The following CNTNAP5 variants were observed in gnomAD, a reference collection of about 807,000 sequenced individuals.
The protein encoded by CNTNAP5 is contactin associated protein family member 5.
Under a neutral mutation model 150.2 loss-of-function variants are expected in CNTNAP5, and 72 were observed. The observed-to-expected ratio is 0.48, with a 90% confidence interval of 0.40 to 0.58. CNTNAP5 has a LOEUF of 0.58. CNTNAP5 is among the 20% of genes least tolerant of loss of function. The pLI is 0.00. For synonymous variants in CNTNAP5, 672 were observed against 619.8 expected (o/e 1.08, Z -1.25); for missense variants, 1,636 against 1,626.2 (o/e 1.01, Z -0.10).
chr2:124,648,101 T>A, intron 13 of CNTNAP5, 143 bp downstream of exon 13: 1 of 705,422 alleles, frequency 1.4e-6, no homozygotes, highest in Non-Finnish European at 2.3e-6. Context: ...AAGAGGGGTC[T>A]GGTTATGTAG....
At chr2:124,105,556 G>C (rs937470461) in intron 1 of CNTNAP5, among the ~76,000 whole-genome samples, 4 of 151,808 alleles carry the variant, frequency 2.6e-5, no homozygotes, top group African/African-American at 9.7e-5. Flanking sequence ...ACAATATCTT[G>C]GACTAATTAT....
At chr2:124,512,200 G>A (rs1385658616) in intron 8 of CNTNAP5, among the ~76,000 whole-genome samples, 9 of 151,832 alleles carry the variant, frequency 5.9e-5, no homozygotes, top group Admixed American at 4.6e-4. Context: ...CAGTGAGGCA[G>A]GCAGAGAGCC....
At chr2:124,168,893 G>C (rs1350110951) in intron 1 of CNTNAP5, among the ~76,000 whole-genome samples, 1 of 152,080 alleles carries the variant, frequency 6.6e-6, no homozygotes, top group East Asian at 1.9e-4. Context: ...CTTTGGAGTT[G>C]ATGTAAACTT....
chr2:124,364,507 C>T (rs1021032502), intron 3 of CNTNAP5, among the ~76,000 whole-genome samples: 2 of 152,150 alleles, frequency 1.3e-5, no homozygotes, highest in African/African-American at 4.8e-5. Flanking sequence ...TAAACTTCTG[C>T]TAGTCATATA....
At chr2:124,560,806 T>A (rs76418436) in intron 10 of CNTNAP5, among the ~76,000 whole-genome samples, 2,476 of 152,300 alleles carry the variant, frequency 0.016, 67 homozygotes, top group African/African-American at 0.056. Context: ...TTTTTGCTGC[T>A]TGCTGCATGT....
At chr2:124,702,135 C>T (rs1679534073) in intron 13 of CNTNAP5, among the ~76,000 whole-genome samples, 1 of 151,796 alleles carries the variant, frequency 6.6e-6, no homozygotes, top group African/African-American at 2.4e-5. Flanking sequence ...TTCTCATCAC[C>T]TACCAAGGCT....
chr2:124,652,435 C>T (rs138698086), intron 13 of CNTNAP5, among the ~76,000 whole-genome samples: 72 of 152,244 alleles, frequency 4.7e-4, no homozygotes, highest in Non-Finnish European at 5.1e-4. Context: ...TTGGTTGAGC[C>T]CAGACCTTTT....
chr2:124,420,859 G>C (rs148904317), intron 4 of CNTNAP5, among the ~76,000 whole-genome samples: 157 of 152,164 alleles, frequency 1.0e-3, no homozygotes, highest in African/African-American at 3.5e-3. Context: ...ATATATATAA[G>C]TATCTACTGG....
chr2:124,075,532 C>T (rs994449578), intron 1 of CNTNAP5, among the ~76,000 whole-genome samples: 1 of 152,106 alleles, frequency 6.6e-6, no homozygotes, highest in African/African-American at 2.4e-5. Flanking sequence ...TTTCTAAGGT[C>T]AGCTGTTTGG....
At chr2:124,169,862 T>C (rs887820596) in intron 1 of CNTNAP5, among the ~76,000 whole-genome samples, 2 of 152,202 alleles carry the variant, frequency 1.3e-5, no homozygotes, top group Admixed American at 1.3e-4. Flanking sequence ...GGTCCAACAA[T>C]TGATCTTATC....
intron 16 of CNTNAP5, among the ~76,000 whole-genome samples, chr2:124,772,213 T>C (rs1185224858): frequency 6.6e-6 from 1 of 152,102 alleles, no homozygotes; most frequent in Non-Finnish European, 1.5e-5. Context: ...CAAAGATTGT[T>C]ATAGAGAGGC....
chr2:124,346,382 C>T (rs1324034120), intron 3 of CNTNAP5, among the ~76,000 whole-genome samples: 1 of 152,052 alleles, frequency 6.6e-6, no homozygotes, highest in Non-Finnish European at 1.5e-5. Context: ...TGAAGAAAAG[C>T]AAGATAGATA....
rs370565792 is a variant in CNTNAP5 at position 124,447,054 on chromosome 2, G to A, written c.918+117G>A. On this transcript the variant is annotated intron_variant, in intron 6 of 23. Coordinates refer to ENST00000682447, the MANE Select transcript of CNTNAP5 (RefSeq NM_001367498.1). ...TGGGGCACTGAGGAGTCTTACCCTG[G>A]GACTTACTTCCTCCATCTATGCCAG... is the stretch of plus-strand genomic sequence containing the variant. 11 of 930,620 alleles carry A rather than the reference G, an allele frequency of 1.2e-5. No individual in the cohort carries two copies. In the African/African-American group the frequency reaches 1.7e-4, roughly 14 times the overall value. 57.6% of individuals were successfully genotyped at this position (930,620 alleles called of 1,614,324 possible).
chr2:124,785,042 A>AG (rs1558774430), intron 17 of CNTNAP5, among the ~76,000 whole-genome samples: 2 of 7,724 alleles, frequency 2.6e-4, no homozygotes, highest in Non-Finnish European at 9.3e-4. Flanking sequence ...TAAGGCTGAG[A>AG]AAAAAAAAAA....
intron 3 of CNTNAP5, among the ~76,000 whole-genome samples, chr2:124,309,065 A>T (rs1688758597): frequency 6.6e-6 from 1 of 152,220 alleles, no homozygotes; most frequent in South Asian, 2.1e-4. Context: ...CTAGACATAC[A>T]CACCTATAAT....
At chr2:124,224,193 A>C (rs948647649) in intron 2 of CNTNAP5, among the ~76,000 whole-genome samples, 5 of 152,170 alleles carry the variant, frequency 3.3e-5, no homozygotes, top group Non-Finnish European at 4.4e-5. Context: ...CAAGAGTTGC[A>C]AATTGCTACA....
chr2:124,321,604 A>G (rs973285914), intron 3 of CNTNAP5, among the ~76,000 whole-genome samples: 3 of 152,138 alleles, frequency 2.0e-5, no homozygotes, highest in Non-Finnish European at 2.9e-5. Context: ...ATTAGAGTAA[A>G]TTCAAAACAA....
At chr2:124,808,289 T>A (rs548448037) in intron 19 of CNTNAP5, among the ~76,000 whole-genome samples, 2 of 152,284 alleles carry the variant, frequency 1.3e-5, no homozygotes, top group African/African-American at 4.8e-5. Flanking sequence ...TTATTATCTC[T>A]CCCTTCTTAA....
intron 3 of CNTNAP5, among the ~76,000 whole-genome samples, chr2:124,347,846 A>G (rs976162960): frequency 1.4e-5 from 2 of 147,290 alleles, no homozygotes; most frequent in African/African-American, 5.1e-5. Flanking sequence ...TTTTTTTGAG[A>G]CGGAGTCTTG....
Sources: gnomAD v4.1 joint callset for allele counts (sites outside exome capture counted in the v4.1 genomes callset) on GRCh38, gnomAD v4.1.1 for gene constraint, MANE v1.5 for transcripts, NCBI Gene and HGNC (gene_info 2026-07-23, HGNC 2026-07-21) for gene names.